The following RFC2 variants were observed in gnomAD, a reference collection of about 807,000 sequenced individuals.
RFC2 encodes A1 40 kDa subunit.
A neutral mutation model predicts 44.8 loss-of-function variants in RFC2; 34 were observed. The observed-to-expected ratio is 0.76, with a 90% confidence interval of 0.58 to 1.01. RFC2 has a LOEUF of 1.01. Among genes scored for constraint, RFC2 ranks in the 50% least tolerant of loss-of-function variants. The pLI is 0.00. For synonymous variants in RFC2, 177 were observed against 168.9 expected (o/e 1.05, Z -0.37); for missense variants, 400 against 453.6 (o/e 0.88, Z 1.07).
At chr7:74,253,115 G>A (rs1319218735) in intron 1 of RFC2, among the ~76,000 whole-genome samples, 1 of 152,086 alleles carries the variant, frequency 6.6e-6, no homozygotes, top group Non-Finnish European at 1.5e-5. Context: ...CTGCAACCCT[G>A]TCCGCCCGTC....
chr7:74,239,004 C>G lies in RFC2; in HGVS notation c.694-16G>C. The G allele has an allele frequency of 6.2e-7, 1 of 1,606,870 alleles. No individual in the cohort carries two copies. The highest frequency in any genetic ancestry group is 8.5e-7 in the Non-Finnish European group (1 of 1,173,558). The stretch of plus-strand genomic sequence containing the variant: ...TGTTCAGCGCCTGTTCAGGAGCAAA[C>G]ACATGTCAAGGATGATTTTTATATT... On this transcript the variant is annotated splice_polypyrimidine_tract_variant and intron_variant, in intron 7 of 10. Transcript: ENST00000055077.
At chr7:74,235,159 C>T (rs917969459) in intron 10 of RFC2, among the ~76,000 whole-genome samples, 5 of 152,214 alleles carry the variant, frequency 3.3e-5, no homozygotes, top group Admixed American at 3.3e-4. Flanking sequence ...CCCTCAGCCT[C>T]CCAAGTAGCT....
chr7:74,232,474 G>A (rs1055838624), intron 10 of RFC2, among the ~76,000 whole-genome samples: 26 of 152,088 alleles, frequency 1.7e-4, no homozygotes, highest in African/African-American at 6.3e-4. Flanking sequence ...GGTGGGGCGA[G>A]GGGGGGCGGG....
chr7:74,236,914 G>A (rs565631093), intron 9 of RFC2, among the ~76,000 whole-genome samples: 24 of 152,076 alleles, frequency 1.6e-4, no homozygotes, highest in African/African-American at 4.6e-4. Flanking sequence ...AGCTGTGACC[G>A]CGCCAGTGCA....
intron 6 of RFC2, among the ~76,000 whole-genome samples, chr7:74,241,607 G>A (rs1312009505): frequency 2.0e-5 from 3 of 152,198 alleles, no homozygotes; most frequent in African/African-American, 7.2e-5. Flanking sequence ...AAGCGGCTGA[G>A]AGAGCAATGA....
intron 6 of RFC2, among the ~76,000 whole-genome samples, chr7:74,241,105 A>C (rs1395688719): frequency 6.6e-6 from 1 of 150,932 alleles, no homozygotes; most frequent in Non-Finnish European, 1.5e-5. Context: ...TAATTTTTGT[A>C]TTTTTAGTAG....
At position 74,254,286 on chromosome 7, in the gene RFC2, T is replaced by C. The variant is rs1554721558; in HGVS notation, c.98A>G (p.His33Arg). Residue 33 changes from histidine to arginine, a missense_variant, in exon 1 of 11, where the codon CAC becomes CGC. Coordinates refer to ENST00000055077, the MANE Select transcript of RFC2 (RefSeq NM_181471.3). ...GGGACCTCACCACGGCAGTTCGTAG[T>C]GGCCGGCGCTGCCGGGGGCCTTGCT... ...AFSKAPGSAGHYELPWVEKYR... is the reference protein window; with the variant it reads ...AFSKAPGSAGRYELPWVEKYR... 1.9e-6 allele frequency: 3 copies of C among 1,612,138 alleles called. No individual in the cohort carries two copies. In the East Asian group the frequency reaches 6.7e-5, roughly 36 times the overall value.
chr7:74,248,980 C>G, intron 4 of RFC2, 32 bp downstream of exon 4: 1 of 1,471,766 alleles, frequency 6.8e-7, no homozygotes, highest in Non-Finnish European at 9.5e-7. Flanking sequence ...GCAGAGCACC[C>G]GCCCCCCTAC....
chr7:74,251,972 G>A (rs1786985083), intron 2 of RFC2, among the ~76,000 whole-genome samples: 2 of 149,334 alleles, frequency 1.3e-5, no homozygotes, highest in South Asian at 2.1e-4. Flanking sequence ...GGTGGCGGGC[G>A]CCTGTAGTCC....
At position 74,231,904 on chromosome 7, in the gene RFC2, T is replaced by C. The variant is rs1802746250; in HGVS notation, c.*202A>G. ...CATGTTGGCCAGGCTGGTCTTGAAC[T>C]TCTGACCTCAGGTGATCCACCTGCC... On this transcript the variant is annotated 3_prime_UTR_variant, in exon 11 of 11. Coordinates refer to ENST00000055077, the MANE Select transcript of RFC2 (RefSeq NM_181471.3). 2.2e-6 allele frequency: 1 copy of C among 452,094 alleles called. No individual in the cohort carries two copies. Among genetic ancestry groups the C allele is most frequent in the Non-Finnish European group, 3.9e-6 (1 of 253,910 alleles). 28.0% of individuals were successfully genotyped at this position (452,094 alleles called of 1,614,324 possible).
chr7:74,253,724 A>C (rs1787108776), intron 1 of RFC2: 1 of 154,678 alleles, frequency 6.5e-6, no homozygotes. Context: ...CCATCTAAAA[A>C]AAAAAAATTA....
intron 2 of RFC2, among the ~76,000 whole-genome samples, chr7:74,250,314 A>G (rs1228587078): frequency 6.6e-6 from 1 of 151,880 alleles, no homozygotes; most frequent in Non-Finnish European, 1.5e-5. Flanking sequence ...TCTTTTAGAG[A>G]TGCACTCTGG....
At chr7:74,232,275 C>A (rs1802774360) in intron 10 of RFC2, 59 bp from the exon 11 acceptor site, 1 of 905,198 alleles carries the variant, frequency 1.1e-6, no homozygotes, top group Non-Finnish European at 1.8e-6. Flanking sequence ...TTTTTAAAAT[C>A]TGAACTGAAA....
At chr7:74,243,946 A>T (rs1485575296) in intron 5 of RFC2, among the ~76,000 whole-genome samples, 17 of 151,680 alleles carry the variant, frequency 1.1e-4, no homozygotes, top group African/African-American at 4.1e-4. Context: ...ATAAAAAGAG[A>T]AGAAAAAAAG....
intron 6 of RFC2, among the ~76,000 whole-genome samples, chr7:74,242,749 TAAAAAAAAAAAAA>T (rs71094767): frequency 9.5e-6 from 1 of 105,650 alleles, no homozygotes; most frequent in African/African-American, 3.7e-5. Flanking sequence ...CCCCATCTCT[TAAAAAAAAAAAAA>T]AAAAAAAAAA....
chr7:74,233,400 C>T (rs1802833707), intron 10 of RFC2, among the ~76,000 whole-genome samples: 1 of 151,872 alleles, frequency 6.6e-6, no homozygotes, highest in Non-Finnish European at 1.5e-5. Flanking sequence ...ACAAAAAATA[C>T]AGTACAATTA....
Position 74,238,869 on chromosome 7 carries a change from C to G in RFC2, c.759+54G>C. On this transcript the variant is annotated intron_variant, in intron 8 of 10. Transcript: ENST00000055077. The surrounding 1 kb of genome is among the most constrained non-coding windows in gnomAD (Gnocchi z 4.0). ...GCCCAGCCCTTCAGCCCCACTGGCC[C>G]CCACAGGGAAGCACGGCTTCTGCTG... 1 of 1,458,012 alleles carries G rather than the reference C, an allele frequency of 6.9e-7. No homozygotes were observed. Among genetic ancestry groups the G allele is most frequent in the Non-Finnish European group, 9.6e-7 (1 of 1,038,472 alleles). 90.3% of individuals were successfully genotyped at this position (1,458,012 alleles called of 1,614,324 possible).
chr7:74,246,990 T>C (rs1218872421), intron 4 of RFC2, among the ~76,000 whole-genome samples: 2 of 139,236 alleles, frequency 1.4e-5, no homozygotes, highest in Admixed American at 6.9e-5. Context: ...TTTTTTTTTT[T>C]CTTCAGACAG....
chr7:74,252,452 C>T lies in RFC2; in HGVS notation c.160G>A (p.Glu54Lys), dbSNP rs1298792654. Residue 54 changes from glutamate (E) to lysine (K), a missense_variant, in exon 2 of 11, where the codon GAA becomes AAA. Physicochemically the swap from Glu to Lys is moderately conservative, Grantham distance 56. Transcript: ENST00000055077. ...PVKLNEIVGN[E>K]DTVSRLEVFA... ...ACCTCTAGCCTGCTCACGGTGTCTT[C>T]ATTCCCGACAATTTCATTCAGCTTT... 3.1e-6 allele frequency: 5 copies of T among 1,605,234 alleles called. No individual in the cohort carries two copies. In the Admixed American group the frequency reaches 8.3e-5, roughly 27 times the overall value.
Sources: allele counts gnomAD v4.1 joint callset (sites outside exome capture counted in the v4.1 genomes callset), GRCh38; gene constraint gnomAD v4.1.1; non-coding constraint Gnocchi (gnomAD v3.1); transcripts MANE v1.5; gene names NCBI Gene and HGNC (gene_info 2026-07-23, HGNC 2026-07-21).